Variants in PLEKHG3 observed in about 807,000 individuals in gnomAD.
PLEKHG3 encodes the protein pleckstrin homology domain-containing family G member 3.
A neutral mutation model predicts 94.9 loss-of-function variants in PLEKHG3; 62 were observed. The ratio of observed to expected loss-of-function variants is 0.65; its 90% CI spans 0.53 to 0.81. PLEKHG3 has a LOEUF of 0.81. PLEKHG3 is among the 30% of genes least tolerant of loss of function. The pLI is 0.00. For synonymous variants in PLEKHG3, 614 were observed against 654.0 expected (o/e 0.94, Z 0.93); for missense variants, 1,461 against 1,619.3 (o/e 0.90, Z 1.68).
At chr14:64,742,844 A>G in intron 16 of PLEKHG3, 138 bp from the exon 17 acceptor site, 1 of 760,552 alleles carries the variant, frequency 1.3e-6, no homozygotes, top group Non-Finnish European at 2.2e-6. Context: ...TGTGGATGGT[A>G]AGTGAGATTT....
chr14:64,742,143 A>G lies in PLEKHG3; in HGVS notation c.2626A>G (p.Ser876Gly), dbSNP rs2081711484. 5 of 1,611,556 alleles carry G rather than the reference A, an allele frequency of 3.1e-6. No homozygotes were observed. Among genetic ancestry groups the G allele is most frequent in the Non-Finnish European group, 4.2e-6 (5 of 1,179,948 alleles). ...PESSSPTEGR[S>G]PAHLARELKE... is the part of the protein sequence containing the mutation. ...AAGCTCCTCTCCCACTGAGGGGCGC[A>G]GCCCGGCCCACCTGGCCCGGGAGCT... Residue 876 changes from serine to glycine, a missense_variant, in exon 16 of 17, where the codon AGC (serine) becomes GGC (glycine). Ser to Gly is a moderately conservative substitution (Grantham distance 56, BLOSUM62 0). Transcript: ENST00000247226.
chr14:64,749,201 C>T lies in PLEKHG3; in HGVS notation c.*5498C>T. On this transcript the variant is annotated 3_prime_UTR_variant, in exon 17 of 17. Coordinates refer to ENST00000247226, the MANE Select transcript of PLEKHG3 (RefSeq NM_001308147.2). This position sits in a 1 kb window ranked among gnomAD's most constrained non-coding sequence, Gnocchi z 4.7. ...GGGCCCGGGGGCCCGGCCCGCGACT[C>T]GACTCATCTCGATTCGACCGGCGGG... 1.1e-5 allele frequency: 15 copies of T among 1,397,666 alleles called. No homozygotes were observed. The highest frequency in any genetic ancestry group is 8.7e-5 in the South Asian group (7 of 80,070). 86.6% of individuals were successfully genotyped at this position (1,397,666 alleles called of 1,614,324 possible). A position where few individuals can be genotyped will look rare whatever the true frequency, so the allele number is the denominator to read the frequency against.
Position 64,716,248 on chromosome 14 carries a change from A to G in PLEKHG3, c.-39-11345A>G, listed in dbSNP as rs2139365377. The stretch of plus-strand genomic sequence containing the variant: ...GGCAGGTTTTTCCCTTGTGGGTTAG[A>G]CACTGAGGACCATAAAGGGAGCAGG... On this transcript the variant is annotated intron_variant, in intron 1 of 16. Coordinates refer to ENST00000247226, the MANE Select transcript of PLEKHG3 (RefSeq NM_001308147.2). The surrounding 1 kb of genome is among the most constrained non-coding windows in gnomAD (Gnocchi z 5.0). Among the ~76,000 whole-genome samples the G allele has an allele frequency of 6.6e-6, 1 of 152,230 alleles. No homozygotes were observed. The highest frequency in any genetic ancestry group is 2.4e-5 in the African/African-American group (1 of 41,528).
In PLEKHG3 at chr14:64,715,946, G is replaced by A. The variant is rs1469969562; in HGVS notation, c.-40+11242G>A. On this transcript the variant is annotated intron_variant, in intron 1 of 16. Transcript: ENST00000247226. This position sits in a 1 kb window ranked among gnomAD's most constrained non-coding sequence, Gnocchi z 4.4. ...GACGAAGTTTTGCAGGAGGCGGCGG[G>A]CGCTTTAATTCCCGAGGCTGTTGGT... The A allele has an allele frequency of 4.6e-6, 2 of 437,992 alleles. No individual in the cohort carries two copies. The highest frequency in any genetic ancestry group is 9.1e-6 in the Non-Finnish European group (2 of 219,342). 27.1% of individuals were successfully genotyped at this position (437,992 alleles called of 1,614,324 possible). A position where few individuals can be genotyped will look rare whatever the true frequency, so the allele number is the denominator to read the frequency against.
At chr14:64,740,994 GGAGGCTTTTTACTCATGT>G in intron 15 of PLEKHG3, 24 bp from the exon 16 acceptor site, 1 of 1,480,154 alleles carries the variant, frequency 6.8e-7, no homozygotes, top group Non-Finnish European at 9.1e-7. Context: ...ATCCCATGAA[GGAGGCTTTTTACTCATGT>G]GAGCCTTTTC....
Position 64,732,987 on chromosome 14 carries a change from T to C in PLEKHG3, c.1345+86T>C. 2.4e-6 allele frequency: 2 copies of C among 834,436 alleles called. No homozygotes were observed. Among genetic ancestry groups the C allele is most frequent in the East Asian group, 5.3e-5 (2 of 37,698 alleles). The allele number at this position is 834,436 out of a possible 1,614,324, so 51.7% of individuals were successfully genotyped here. A position where few individuals can be genotyped will look rare whatever the true frequency, so the allele number is the denominator to read the frequency against. ...CCGTCTGCGGCAGTGTCCAGGGCTG[T>C]GGCTCTCACCTCTGCGGAAACCCTG... On this transcript the variant is annotated intron_variant, in intron 12 of 16. Coordinates refer to ENST00000247226, the MANE Select transcript of PLEKHG3 (RefSeq NM_001308147.2). The surrounding 1 kb of genome is among the most constrained non-coding windows in gnomAD (Gnocchi z 4.9).
At chr14:64,736,724 TG>T (rs1486056526) in intron 12 of PLEKHG3, 128 bp from the exon 13 acceptor site, 1 of 752,442 alleles carries the variant, frequency 1.3e-6, no homozygotes, top group African/African-American at 1.7e-5. Context: ...CTGGGGCCTA[TG>T]ACTGCAGGGG....
chr14:64,742,292 G>C lies in PLEKHG3; in HGVS notation c.2775G>C (p.Lys925Asn). The change falls in exon 16 of 17, where the codon AAG becomes AAC. Residue 925 changes from lysine to asparagine, a missense_variant. Around this residue, in one of 3 missense-constraint regions of PLEKHG3, gnomAD observed 1,201 missense variants for 1,295.5 expected, o/e 0.93. Transcript: ENST00000247226. Reference sequence around the variant, plus strand: ...ACGTGAGCGAGCGCGTCAAGAACAAGGTCTACCAGCTGGCCCGCCAGTACA... The same window carrying C: ...ACGTGAGCGAGCGCGTCAAGAACAACGTCTACCAGCTGGCCCGCCAGTACA... Reference protein sequence around the residue: ...DSHVSERVKNKVYQLARQYSL... With the variant: ...DSHVSERVKNNVYQLARQYSL... 6.2e-7 allele frequency: 1 copy of C among 1,612,922 alleles called. No homozygotes were observed. Among genetic ancestry groups the C allele is most frequent in the Non-Finnish European group, 8.5e-7 (1 of 1,180,050 alleles).
rs944758661 is a variant in PLEKHG3, at chr14:64,741,044, G to A, written c.1527G>A (p.Pro509=). ...TTTCTGCTATGTTTCAGGTTGAGCC[G>A]GACCCTGAGGCTGGGAGTGAGCAAG... ...ESISSLPEVE[P]DPEAGSEQEV... is the part of the protein sequence containing the mutation. The change falls in exon 16 of 17, where the codon CCG becomes CCA. Residue 509 remains proline, a synonymous_variant. Transcript: ENST00000247226. 28 of 1,583,520 alleles carry A rather than the reference G, an allele frequency of 1.8e-5. No individual in the cohort carries two copies. Among genetic ancestry groups the A allele is most frequent in the African/African-American group, 2.7e-5 (2 of 73,680 alleles).
rs909822498 is a variant in PLEKHG3, at chr14:64,737,825, A to G, written c.1404+450A>G. ...CTGCAGGAGGACGGGAGGTTGCCCA[A>G]GAGGCTGGTCACGAGGGGGTCTTGT... On this transcript the variant is annotated intron_variant, in intron 14 of 16. Transcript: ENST00000247226. 20 of 1,106,908 alleles carry G rather than the reference A, an allele frequency of 1.8e-5. No individual in the cohort carries two copies. The East Asian group carries it at 1.2e-3, about 68-fold the overall frequency. 68.6% of individuals were successfully genotyped at this position (1,106,908 alleles called of 1,614,324 possible).
Position 64,732,720 on chromosome 14 carries a change from G to A in PLEKHG3, c.1247-83G>A. On this transcript the variant is annotated intron_variant, in intron 11 of 16. Transcript: ENST00000247226. The surrounding 1 kb of genome is among the most constrained non-coding windows in gnomAD (Gnocchi z 4.9). ...GCCCTGGAGCTGGGTGGGTATAGAG[G>A]TCTGGCTGGTTATGGACAGGGTCTA... 1.9e-6 allele frequency: 2 copies of A among 1,064,798 alleles called. No individual in the cohort carries two copies. Among genetic ancestry groups the A allele is most frequent in the Non-Finnish European group, 2.8e-6 (2 of 713,884 alleles). The allele number at this position is 1,064,798 out of a possible 1,614,324, so 66.0% of individuals were successfully genotyped here.
chr14:64,707,144 C>A (rs1472336684), intron 1 of PLEKHG3, among the ~76,000 whole-genome samples: 1 of 152,224 alleles, frequency 6.6e-6, no homozygotes, highest in African/African-American at 2.4e-5. Flanking sequence ...CCGCCCTACT[C>A]CATCCTCCCT....
In PLEKHG3 at chr14:64,717,835, G is replaced by C. The variant is rs2081195340; in HGVS notation, c.-39-9758G>C. Among the ~76,000 whole-genome samples the C allele has an allele frequency of 6.6e-6, 1 of 152,206 alleles. No homozygotes were observed. Among genetic ancestry groups the C allele is most frequent in the Admixed American group, 6.5e-5 (1 of 15,286 alleles). On this transcript the variant is annotated intron_variant, in intron 1 of 16. Transcript: ENST00000247226. The surrounding 1 kb of genome is among the most constrained non-coding windows in gnomAD (Gnocchi z 4.7). The stretch of plus-strand genomic sequence containing the variant: ...GCAGCCACAGCCCATATCATGGTTT[G>C]GACCTTTTTAGGGCACATTCTGACA...
Position 64,738,108 on chromosome 14 carries a change from C to T in PLEKHG3, c.1405-634C>T. The T allele has an allele frequency of 4.6e-6, 6 of 1,301,122 alleles. No individual in the cohort carries two copies. The highest frequency in any genetic ancestry group is 5.0e-6 in the Non-Finnish European group (5 of 995,832). 80.6% of individuals were successfully genotyped at this position (1,301,122 alleles called of 1,614,324 possible). A position where few individuals can be genotyped will look rare whatever the true frequency, so the allele number is the denominator to read the frequency against. On this transcript the variant is annotated intron_variant, in intron 14 of 16. Transcript: ENST00000247226. The surrounding 1 kb of genome is among the most constrained non-coding windows in gnomAD (Gnocchi z 4.8). ...AGGCTCAGAGGAGGAGGAGGAGGAG[C>T]AGGAGGAGAGCCTGGCGGTGGCGGA...
At chr14:64,740,470 C>T (rs17102026) in intron 15 of PLEKHG3, among the ~76,000 whole-genome samples, 1,572 of 152,372 alleles carry the variant, frequency 0.01, 27 homozygotes, top group African/African-American at 0.036. Context: ...TCCTGGTCCT[C>T]ATCCTCTGAC....
Position 64,731,334 on chromosome 14 carries a change from C to A in PLEKHG3, c.850-27C>A. On this transcript the variant is annotated intron_variant, in intron 7 of 16. Transcript: ENST00000247226. This position sits in a 1 kb window ranked among gnomAD's most constrained non-coding sequence, Gnocchi z 6.1. ...CTCCTAAGGCCCCAGTGGCCTGACT[C>A]TAGGGATTGGGGCCCCTCTGCTGCA... The A allele has an allele frequency of 6.2e-7, 1 of 1,601,170 alleles. No homozygotes were observed. The highest frequency in any genetic ancestry group is 8.5e-7 in the Non-Finnish European group (1 of 1,169,980).
At position 64,738,654 on chromosome 14, in the gene PLEKHG3, G is replaced by A. The variant is rs1302592810; in HGVS notation, c.1405-88G>A. 2.6e-5 allele frequency: 25 copies of A among 951,098 alleles called. No individual in the cohort carries two copies. The highest frequency in any genetic ancestry group is 1.7e-4 in the South Asian group (12 of 70,188). 58.9% of individuals were successfully genotyped at this position (951,098 alleles called of 1,614,324 possible). ...GCTCTCAGCTCAGCCCAGCCCCTTG[G>A]GGCGTGGGAGGCACTGCCCGTGTTG... On this transcript the variant is annotated intron_variant, in intron 14 of 16. Coordinates refer to ENST00000247226, the MANE Select transcript of PLEKHG3 (RefSeq NM_001308147.2). This position sits in a 1 kb window ranked among gnomAD's most constrained non-coding sequence, Gnocchi z 4.8.
In PLEKHG3 at chr14:64,729,009, A is replaced by G. The variant is rs1011843967; in HGVS notation, c.365A>G (p.Lys122Arg). 6 of 1,503,656 alleles carry G rather than the reference A, an allele frequency of 4.0e-6. No individual in the cohort carries two copies. The Admixed American group carries it at 5.9e-5, about 15-fold the overall frequency. 93.1% of individuals were successfully genotyped at this position (1,503,656 alleles called of 1,614,324 possible). ...LRSIVEDYLL[K>R]IIDTPGLLKP... ...CCCTCCACGCAGGACTACCTCTTGA[A>G]GATCATTGACACACCCGGGCTGCTG... The change falls in exon 3 of 17, where the codon AAG (lysine) becomes AGG (arginine). Residue 122 changes from lysine (K) to arginine (R), a missense_variant. Around this residue, in one of 3 missense-constraint regions of PLEKHG3, gnomAD observed 253 missense variants for 297.8 expected, o/e 0.85. Coordinates refer to ENST00000247226, the MANE Select transcript of PLEKHG3 (RefSeq NM_001308147.2).
At position 64,739,106 on chromosome 14, in the gene PLEKHG3, G is replaced by A. The variant is rs568933609; in HGVS notation, c.1518+251G>A. 6.6e-6 allele frequency among the ~76,000 whole-genome samples: 1 copy of A among 152,292 alleles called. No homozygotes were observed. Among genetic ancestry groups the A allele is most frequent in the South Asian group, 2.1e-4 (1 of 4,826 alleles). ...GGGCAGATGCAGTCCCATGTCAAGG[G>A]CACGCAGCTAGTGGAAATGAACCAG... On this transcript the variant is annotated intron_variant, in intron 15 of 16. Transcript: ENST00000247226. This position sits in a 1 kb window ranked among gnomAD's most constrained non-coding sequence, Gnocchi z 4.1.
Sources: gnomAD v4.1 joint callset for allele counts (sites outside exome capture counted in the v4.1 genomes callset) on GRCh38, gnomAD v4.1.1 for gene constraint, gnomAD v4.1.1 regional missense constraint, Gnocchi (gnomAD v3.1) non-coding constraint, MANE v1.5 for transcripts, NCBI Gene and HGNC (gene_info 2026-07-23, HGNC 2026-07-21) for gene names.